Variants in C9orf85 observed in about 807,000 individuals in gnomAD.
The protein encoded by C9orf85 is chromosome 9 open reading frame 85.
A neutral mutation model predicts 14.9 loss-of-function variants in C9orf85; 16 were observed. The observed-to-expected ratio is 1.08, with a 90% CI of 0.73 to 1.63. The LOEUF (loss-of-function observed/expected upper bound fraction) is 1.63, where lower values mean the gene tolerates loss of function less well. Ranked by LOEUF, C9orf85 falls within the 40% of genes most tolerant of loss-of-function variation. C9orf85 has a pLI of 0.00. For synonymous variants in C9orf85, 45 were observed against 56.8 expected (o/e 0.79, Z 0.93); for missense variants, 172 against 186.1 (o/e 0.92, Z 0.44).
At chr9:71,943,534 T>C (rs914203221) in intron 1 of C9orf85, among the ~76,000 whole-genome samples, 9 of 151,714 alleles carry the variant, frequency 5.9e-5, no homozygotes, top group Non-Finnish European at 1.2e-4. Context: ...GCCCAGCTTC[T>C]TTTTTTTGTT....
chr9:71,976,088 T>C (rs57429729), downstream of C9orf85, among the ~76,000 whole-genome samples: 7,007 of 152,304 alleles, frequency 0.046, 556 homozygotes, highest in African/African-American at 0.16. Flanking sequence ...AAGATTGTTT[T>C]GTATTTTAAG....
chr9:71,958,566 AT>A (rs1472361081), intron 2 of C9orf85, among the ~76,000 whole-genome samples: 21 of 152,086 alleles, frequency 1.4e-4, no homozygotes, highest in Non-Finnish European at 5.9e-5. Flanking sequence ...CCGGCCAGTA[AT>A]TAAAATATTT....
At chr9:71,919,057 T>C (rs928054990) in intron 1 of C9orf85, among the ~76,000 whole-genome samples, 6 of 152,100 alleles carry the variant, frequency 3.9e-5, no homozygotes, top group African/African-American at 1.4e-4. Context: ...GTACTGAGCC[T>C]GGGTACTGAT....
chr9:71,920,494 T>TAGAGAAA (rs1313008772), intron 1 of C9orf85, among the ~76,000 whole-genome samples: 2 of 152,192 alleles, frequency 1.3e-5, no homozygotes, highest in East Asian at 3.8e-4. Context: ...TGGGCCATTT[T>TAGAGAAA]CCTTTTAGAG....
intron 2 of C9orf85, among the ~76,000 whole-genome samples, chr9:71,953,808 G>C (rs1160214561): frequency 6.6e-6 from 1 of 152,104 alleles, no homozygotes; most frequent in Non-Finnish European, 1.5e-5. Context: ...AAAAAAAAGT[G>C]GGGGAGGGAG....
intron 1 of C9orf85, among the ~76,000 whole-genome samples, chr9:71,936,724 G>T (rs1445023494): frequency 6.6e-6 from 1 of 151,242 alleles, no homozygotes; most frequent in African/African-American, 2.4e-5. Flanking sequence ...TGCTGAATTG[G>T]AATGGAGAAA....
chr9:71,916,617 C>T (rs2132245215), intron 1 of C9orf85, among the ~76,000 whole-genome samples: 1 of 152,228 alleles, frequency 6.6e-6, no homozygotes. Context: ...AAATGGAAGT[C>T]TATGGGTGTA....
intron 2 of C9orf85, among the ~76,000 whole-genome samples, chr9:71,961,196 A>C (rs976210492): frequency 6.6e-6 from 1 of 151,782 alleles, no homozygotes; most frequent in Non-Finnish European, 1.5e-5. Flanking sequence ...TACAGGTGTA[A>C]GCCACCACGC....
intron 2 of C9orf85, among the ~76,000 whole-genome samples, chr9:71,950,582 G>A (rs1252090841): frequency 2.6e-5 from 4 of 152,108 alleles, no homozygotes; most frequent in Admixed American, 2.6e-4. Context: ...ATGTTGGCCA[G>A]GCTGATCTTG....
intron 2 of C9orf85, among the ~76,000 whole-genome samples, chr9:71,965,900 T>C (rs1016641839): frequency 2.6e-5 from 4 of 152,220 alleles, no homozygotes; most frequent in African/African-American, 9.6e-5. Context: ...TGTGTTAAAG[T>C]GAACTAAAGA....
intron 1 of C9orf85, among the ~76,000 whole-genome samples, chr9:71,929,548 A>G (rs1453318668): frequency 1.3e-5 from 2 of 152,198 alleles, no homozygotes; most frequent in Non-Finnish European, 2.9e-5. Context: ...ACAGCATCAT[A>G]GAAAACTATA....
intron 1 of C9orf85, among the ~76,000 whole-genome samples, chr9:71,914,300 T>C (rs1278018425): frequency 6.6e-6 from 1 of 152,184 alleles, no homozygotes; most frequent in Non-Finnish European, 1.5e-5. Context: ...TCGTAAATTT[T>C]CTTAAAACAT....
rs1454819157 is a variant in C9orf85 at position 71,929,924 on chromosome 9, A to G, written c.103-17082A>G. On this transcript the variant is annotated intron_variant, in intron 1 of 3. Transcript: ENST00000334731. ...GCTTCTGATTAATTTTGTGACCTCA[A>G]GCAAATCTCTTAATTCTTTGAGCCT... Among the ~76,000 whole-genome samples the G allele has an allele frequency of 4.4e-5, 5 of 113,026 alleles. No individual in the cohort carries two copies. The South Asian group carries it at 1.1e-3, about 24-fold the overall frequency. The allele number at this position is 113,026 out of a possible 152,430, so 74.1% of individuals were successfully genotyped here.
downstream of C9orf85, chr9:71,985,236 T>C (rs1419839437): frequency 6.6e-6 from 1 of 152,260 alleles, no homozygotes; most frequent in Non-Finnish European, 1.5e-5. Flanking sequence ...CATTCAGCAG[T>C]ATCCAAGCTT....
chr9:71,964,467 C>G (rs1238372749), intron 2 of C9orf85, among the ~76,000 whole-genome samples: 1 of 152,050 alleles, frequency 6.6e-6, no homozygotes, highest in Non-Finnish European at 1.5e-5. Flanking sequence ...ATTCCTGAAG[C>G]CAGCGAGACC....
intron 1 of C9orf85, among the ~76,000 whole-genome samples, chr9:71,928,373 G>T (rs1827982164): frequency 6.6e-6 from 1 of 152,074 alleles, no homozygotes; most frequent in African/African-American, 2.4e-5. Context: ...TATATTGCTT[G>T]CTGTTCAGAT....
chr9:71,930,803 C>CAAAAA (rs747596247), intron 1 of C9orf85, among the ~76,000 whole-genome samples: 1 of 61,034 alleles, frequency 1.6e-5, no homozygotes. Flanking sequence ...GACCCTGTCT[C>CAAAAA]AAAAAAAAAA....
At chr9:71,970,598 C>T (rs1463451259) in intron 2 of C9orf85, among the ~76,000 whole-genome samples, 2 of 152,088 alleles carry the variant, frequency 1.3e-5, no homozygotes, top group Non-Finnish European at 2.9e-5. Flanking sequence ...GTCTGGGTTA[C>T]TGTAGGTTTG....
At chr9:71,976,696 T>G (rs1366715197), downstream of C9orf85, among the ~76,000 whole-genome samples, 1 of 148,066 alleles carries the variant, frequency 6.8e-6, no homozygotes, top group Non-Finnish European at 1.5e-5. Context: ...CCTGGGATAT[T>G]GTGGTTCATT....
Sources: gnomAD v4.1 joint callset for allele counts (sites outside exome capture counted in the v4.1 genomes callset) on GRCh38, gnomAD v4.1.1 for gene constraint, MANE v1.5 for transcripts, NCBI Gene and HGNC (gene_info 2026-07-23, HGNC 2026-07-21) for gene names.